MYB: variants seen among roughly 807,000 people sequenced by gnomAD.
The protein encoded by MYB is transcriptional activator Myb.
In MYB, 28 loss-of-function variants were observed where a neutral mutation model predicts 92.9. That is an observed-to-expected ratio of 0.30 (90% CI 0.22 to 0.41). The LOEUF (loss-of-function observed/expected upper bound fraction) is 0.41, where lower values mean the gene tolerates loss of function less well. Ranked by LOEUF, MYB falls within the 10% of genes least tolerant of loss-of-function variation. The probability of loss-of-function intolerance (pLI) is 1.00; values close to 1 mark genes in which losing one functional copy is unlikely to be tolerated. For missense variants in MYB, 679 were observed against 929.3 expected, an observed-to-expected ratio of 0.73 and a Z score of 3.50; for synonymous variants, 295 against 329.1, an observed-to-expected ratio of 0.90 and a Z score of 1.12.
chr6:135,188,796 C>T (rs773811811), intron 3 of MYB, among the ~76,000 whole-genome samples: 10 of 152,328 alleles, frequency 6.6e-5, no homozygotes, highest in Admixed American at 1.3e-4. Flanking sequence ...AGGCATGAGC[C>T]ACCGTGCCCA....
At chr6:135,201,169 G>T (rs1778034447) in intron 13 of MYB, among the ~76,000 whole-genome samples, 1 of 152,190 alleles carries the variant, frequency 6.6e-6, no homozygotes, top group African/African-American at 2.4e-5. Flanking sequence ...CACCAGGTTA[G>T]ATACAGTGCT....
chr6:135,196,652 A>G, intron 9 of MYB: 1 of 966,042 alleles, frequency 1.0e-6, no homozygotes, highest in Non-Finnish European at 1.5e-6. Flanking sequence ...TTGCACACTC[A>G]TTGGTTAGGA....
At chr6:135,202,906 C>T (rs1778327239) in intron 14 of MYB, 1 of 579,824 alleles carries the variant, frequency 1.7e-6, no homozygotes, top group African/African-American at 1.8e-5. Context: ...CTTAGTAAAT[C>T]TTCTATTTTG....
chr6:135,196,551 T>G (rs1318982253), intron 9 of MYB, among the ~76,000 whole-genome samples: 1 of 152,232 alleles, frequency 6.6e-6, no homozygotes, highest in African/African-American at 2.4e-5. Context: ...ATTGCTTCAC[T>G]GAGATGAATC....
intron 14 of MYB, 94 bp from the exon 15 acceptor site, chr6:135,203,123 A>G: frequency 1.1e-6 from 1 of 895,806 alleles, no homozygotes; most frequent in Non-Finnish European, 1.8e-6. Flanking sequence ...AATGTGTATC[A>G]TCTCATAGTA....
At position 135,190,278 on chromosome 6, in the gene MYB, G is replaced by C. The variant is rs1408745338; in HGVS notation, c.458G>C (p.Arg153Thr). 6.2e-7 allele frequency: 1 copy of C among 1,614,176 alleles called. No homozygotes were observed. Among genetic ancestry groups the C allele is most frequent in the Non-Finnish European group, 8.5e-7 (1 of 1,180,016 alleles). Reference protein sequence around the residue: ...KKTSWTEEEDRIIYQAHKRLG... With the variant: ...KKTSWTEEEDTIIYQAHKRLG... ...ACCTCCTGGACAGAAGAGGAAGACAGAATTATTTACCAGGCACACAAGAGA... is the reference window on the plus strand; with the variant it reads ...ACCTCCTGGACAGAAGAGGAAGACACAATTATTTACCAGGCACACAAGAGA... Residue 153 changes from arginine to threonine, a missense_variant, in exon 5 of 16, where the codon AGA (arginine) becomes ACA (threonine). Arg to Thr is a moderately conservative substitution (Grantham distance 71, BLOSUM62 -1). Coordinates refer to ENST00000341911, the MANE Select transcript of MYB (RefSeq NM_001130173.2). The surrounding 1 kb of genome is among the most constrained non-coding windows in gnomAD (Gnocchi z 4.5).
intron 5 of MYB, 139 bp from the exon 6 acceptor site, chr6:135,192,185 A>G (rs1459841110): frequency 1.3e-5 from 9 of 670,628 alleles, no homozygotes; most frequent in Admixed American, 2.6e-5. Context: ...GAGGGTGGAG[A>G]AGAAGGAAAC....
rs1331186027 is a variant in MYB, at chr6:135,181,342, T to TCTC, written c.-161_-159dup. On this transcript the variant is annotated 5_prime_UTR_variant, in exon 1 of 16. Transcript: ENST00000341911. The surrounding 1 kb of genome is among the most constrained non-coding windows in gnomAD (Gnocchi z 5.3). ...TATCAACCTGTTTCCTCCTCCTCCTTCTCCTCCTCCTCCGTGACCTCCTCC... is the reference window on the plus strand; with the variant it reads ...TATCAACCTGTTTCCTCCTCCTCCTTCTCCTCCTCCTCCTCCGTGACCTCCTCC... 1 of 216,184 alleles carries TCTC rather than the reference T, an allele frequency of 4.6e-6. No individual in the cohort carries two copies. The highest frequency in any genetic ancestry group is 8.7e-6 in the Non-Finnish European group (1 of 114,944). The allele number at this position is 216,184 out of a possible 1,614,324, so 13.4% of individuals were successfully genotyped here. A position where few individuals can be genotyped will look rare whatever the true frequency, so the allele number is the denominator to read the frequency against.
Position 135,182,814 on chromosome 6 carries a change from G to A in MYB, c.23+1278G>A, listed in dbSNP as rs1775278152. ...GAGCGTGGGTGGAGACCCTGCAGCA[G>A]CACCCGCGGGCTGGGCTGGGCGGGG... On this transcript the variant is annotated intron_variant, in intron 1 of 15. Coordinates refer to ENST00000341911, the MANE Select transcript of MYB (RefSeq NM_001130173.2). The surrounding 1 kb of genome is among the most constrained non-coding windows in gnomAD (Gnocchi z 5.6). 6.6e-6 allele frequency among the ~76,000 whole-genome samples: 1 copy of A among 151,526 alleles called. No homozygotes were observed. Among genetic ancestry groups the A allele is most frequent in the African/African-American group, 2.4e-5 (1 of 41,318 alleles).
At chr6:135,206,584 T>A (rs1778973847) in intron 15 of MYB, among the ~76,000 whole-genome samples, 1 of 152,068 alleles carries the variant, frequency 6.6e-6, no homozygotes, top group South Asian at 2.1e-4. Flanking sequence ...TAATCCCAGC[T>A]ACTTGGGAGG....
chr6:135,197,095 A>G lies in MYB; in HGVS notation c.1338A>G (p.Glu446=), dbSNP rs778208059. 1 of 1,614,034 alleles carries G rather than the reference A, an allele frequency of 6.2e-7. No homozygotes were observed. The highest frequency in any genetic ancestry group is 8.5e-7 in the Non-Finnish European group (1 of 1,179,890). ...GCAATGGGACTAAACCTGCAGGAGA[A>G]CCTAGCCCAAGGGTGAACAAACGTA... ...REGNGTKPAG[E]PSPRVNKRML... is the part of the protein sequence containing the mutation. The change falls in exon 10 of 16, where the codon GAA becomes GAG. Residue 446 remains glutamate (E), a synonymous_variant. Coordinates refer to ENST00000341911, the MANE Select transcript of MYB (RefSeq NM_001130173.2).
intron 15 of MYB, among the ~76,000 whole-genome samples, chr6:135,206,227 ATAAT>A (rs1218880349): frequency 1.3e-4 from 15 of 116,604 alleles, no homozygotes; most frequent in African/African-American, 3.6e-4. Flanking sequence ...AAAAAAAAAA[ATAAT>A]AATAATAATA....
At chr6:135,204,833 C>T (rs953928940) in intron 15 of MYB, among the ~76,000 whole-genome samples, 12 of 152,062 alleles carry the variant, frequency 7.9e-5, no homozygotes, top group East Asian at 3.9e-4. Context: ...AGAGGCCAGA[C>T]GCAGTGGCTC....
intron 15 of MYB, among the ~76,000 whole-genome samples, chr6:135,215,155 A>G (rs1780264342): frequency 6.6e-6 from 1 of 152,220 alleles, no homozygotes; most frequent in Admixed American, 6.5e-5. Flanking sequence ...AAGCTAGAAC[A>G]TTACACTGCA....
chr6:135,196,947 C>A lies in MYB; in HGVS notation c.1204-14C>A. On this transcript the variant is annotated splice_polypyrimidine_tract_variant and intron_variant, in intron 9 of 15. Coordinates refer to ENST00000341911, the MANE Select transcript of MYB (RefSeq NM_001130173.2). ...ACACTATCTCAAAGTTCTGTGCCTCCCACATTGTTTCAGGATTCTTCATCA... is the reference window on the plus strand; with the variant it reads ...ACACTATCTCAAAGTTCTGTGCCTCACACATTGTTTCAGGATTCTTCATCA... 1 of 1,606,832 alleles carries A rather than the reference C, an allele frequency of 6.2e-7. No individual in the cohort carries two copies. Among genetic ancestry groups the A allele is most frequent in the Non-Finnish European group, 8.5e-7 (1 of 1,176,618 alleles).
rs765517909 is a variant in MYB, at chr6:135,203,201, A to C, written c.2062-16A>C. On this transcript the variant is annotated splice_polypyrimidine_tract_variant and intron_variant, in intron 14 of 15. Transcript: ENST00000341911. ...TCCAACCTCATTTAAATTTCAAATT[A>C]TTCTCTTCCCTTTAGAATATTCTTA... The C allele has an allele frequency of 1.3e-6, 2 of 1,543,352 alleles. No individual in the cohort carries two copies. Among genetic ancestry groups the C allele is most frequent in the South Asian group, 2.3e-5 (2 of 87,960 alleles).
At chr6:135,201,794 T>A in intron 14 of MYB, 45 bp downstream of exon 14, 4 of 1,224,632 alleles carry the variant, frequency 3.3e-6, no homozygotes, top group Non-Finnish European at 4.4e-6. Context: ...GTGACACTGG[T>A]GCCTCATGAA....
At position 135,218,978 on chromosome 6, in the gene MYB, T is replaced by C. The variant is rs1275642853; in HGVS notation, c.*998T>C. 4.4e-6 allele frequency: 1 copy of C among 224,906 alleles called. No individual in the cohort carries two copies. The highest frequency in any genetic ancestry group is 8.9e-6 in the Non-Finnish European group (1 of 112,440). The allele number at this position is 224,906 out of a possible 1,614,324, so 13.9% of individuals were successfully genotyped here. ...AGTTCTGCATTTGATCCGCATCCCC[T>C]GTGGTTTCTAAGTGTATGGTCTCAG... is the stretch of plus-strand genomic sequence containing the variant. On this transcript the variant is annotated 3_prime_UTR_variant, in exon 16 of 16. Coordinates refer to ENST00000341911, the MANE Select transcript of MYB (RefSeq NM_001130173.2).
In MYB at chr6:135,199,020, A is replaced by C; in HGVS notation, c.1679A>C (p.Gln560Pro). The change falls in exon 11 of 16, where the codon CAG becomes CCG. Residue 560 changes from glutamine (Q) to proline (P), a missense_variant. Gln to Pro is a moderately conservative substitution (Grantham distance 76, BLOSUM62 -1). Around this residue, in one of 8 missense-constraint regions of MYB, gnomAD observed 402 missense variants for 434.2 expected, o/e 0.93. Coordinates refer to ENST00000341911, the MANE Select transcript of MYB (RefSeq NM_001130173.2). ...LTVTTPFHRD[Q>P]TVKTQKENTV... ...GTTACAACACCATTTCATAGAGACC[A>C]GACTGTGAAAACTCAAAAGGAAAAT... 6.2e-7 allele frequency: 1 copy of C among 1,607,690 alleles called. No homozygotes were observed. The highest frequency in any genetic ancestry group is 8.5e-7 in the Non-Finnish European group (1 of 1,177,270).
Sources: gnomAD v4.1 joint callset for allele counts (sites outside exome capture counted in the v4.1 genomes callset) on GRCh38, gnomAD v4.1.1 for gene constraint, gnomAD v4.1.1 regional missense constraint, Gnocchi (gnomAD v3.1) non-coding constraint, MANE v1.5 for transcripts, NCBI Gene and HGNC (gene_info 2026-07-23, HGNC 2026-07-21) for gene names.